LPP: variants seen among roughly 807,000 people sequenced by gnomAD.
The protein encoded by LPP is lipoma-preferred partner.
LPP carries 38 observed loss-of-function variants against 60.4 expected under a neutral mutation model. That is an observed-to-expected ratio of 0.63 (90% CI 0.49 to 0.83). LPP has a LOEUF of 0.83. LPP is among the 40% of genes least tolerant of loss of function. The pLI is 0.00. For missense variants in LPP, 902 were observed against 783.6 expected (o/e 1.15, Z -1.80); for synonymous variants, 328 against 290.8 (o/e 1.13, Z -1.30).
intron 4 of LPP, among the ~76,000 whole-genome samples, chr3:188,477,901 G>A (rs1803659831): frequency 6.6e-6 from 1 of 152,094 alleles, no homozygotes; most frequent in Non-Finnish European, 1.5e-5. Context: ...GGCCTTGAAT[G>A]CTGCATTTAA....
At chr3:188,684,032 A>G (rs759790669) in intron 7 of LPP, among the ~76,000 whole-genome samples, 2 of 152,246 alleles carry the variant, frequency 1.3e-5, no homozygotes, top group African/African-American at 4.8e-5. Flanking sequence ...GTTATTTTTC[A>G]TATTCGAACT....
chr3:188,507,305 G>A (rs886604396), intron 5 of LPP, among the ~76,000 whole-genome samples: 1 of 152,116 alleles, frequency 6.6e-6, no homozygotes, highest in African/African-American at 2.4e-5. Flanking sequence ...CTGACTCAGG[G>A]TGGTGGGGAG....
intron 4 of LPP, among the ~76,000 whole-genome samples, chr3:188,482,824 T>A (rs16863367): frequency 6.6e-6 from 1 of 151,944 alleles, no homozygotes; most frequent in Admixed American, 6.6e-5. Context: ...GAACATTTCT[T>A]ATCCTGTGGG....
intron 9 of LPP, among the ~76,000 whole-genome samples, chr3:188,783,905 G>T (rs1740679407): frequency 7.3e-6 from 1 of 136,394 alleles, no homozygotes; most frequent in African/African-American, 2.8e-5. Flanking sequence ...AACTTCCTTG[G>T]CACCCCAGCC....
intron 2 of LPP, among the ~76,000 whole-genome samples, chr3:188,235,480 G>A (rs1721567489): frequency 6.6e-6 from 1 of 152,026 alleles, no homozygotes; most frequent in African/African-American, 2.4e-5. Flanking sequence ...TGACTTTTAA[G>A]GTCCTCCCTG....
At chr3:188,696,042 A>G (rs904997967) in intron 7 of LPP, among the ~76,000 whole-genome samples, 7 of 152,184 alleles carry the variant, frequency 4.6e-5, no homozygotes, top group Non-Finnish European at 8.8e-5. Flanking sequence ...GATTTCATGC[A>G]TTGGACAATA....
intron 1 of LPP, among the ~76,000 whole-genome samples, chr3:188,222,586 CT>C (rs1458994085): frequency 6.6e-6 from 1 of 152,114 alleles, no homozygotes; most frequent in Non-Finnish European, 1.5e-5. Flanking sequence ...TCTAGAAATC[CT>C]TTCCATTTAC....
In LPP at chr3:188,784,034, A is replaced by C. The variant is rs536742530; in HGVS notation, c.1410+23752A>C. 2.6e-5 allele frequency among the ~76,000 whole-genome samples: 4 copies of C among 152,172 alleles called. No homozygotes were observed. The South Asian group carries it at 8.3e-4, about 32-fold the overall frequency. ...TTCGTGCACCCATCACCCAAGCAGTATATACTGCACCATATTTGTAATCTT... is the reference window on the plus strand; with the variant it reads ...TTCGTGCACCCATCACCCAAGCAGTCTATACTGCACCATATTTGTAATCTT... On this transcript the variant is annotated intron_variant, in intron 9 of 11. Coordinates refer to ENST00000617246, the MANE Select transcript of LPP (RefSeq NM_001375462.1).
chr3:188,516,605 C>T (rs1050155556), intron 5 of LPP, among the ~76,000 whole-genome samples: 28 of 141,890 alleles, frequency 2.0e-4, no homozygotes, highest in African/African-American at 7.9e-4. Flanking sequence ...CCCCCTGCCC[C>T]ACACACTTAA....
At chr3:188,733,800 T>C (rs1355068429) in intron 8 of LPP, among the ~76,000 whole-genome samples, 1 of 152,216 alleles carries the variant, frequency 6.6e-6, no homozygotes, top group Admixed American at 6.5e-5. Context: ...TTTACTTCTA[T>C]TGGAATTCAT....
intron 7 of LPP, among the ~76,000 whole-genome samples, chr3:188,696,026 A>G (rs1863162877): frequency 6.6e-6 from 1 of 152,232 alleles, no homozygotes; most frequent in Admixed American, 6.5e-5. Flanking sequence ...TACAGAAAGA[A>G]GAAATGATTT....
At chr3:188,612,475 C>G (rs1190563115) in intron 7 of LPP, among the ~76,000 whole-genome samples, 1 of 152,184 alleles carries the variant, frequency 6.6e-6, no homozygotes, top group Admixed American at 6.5e-5. Context: ...TATCCCAGTT[C>G]TTTCCTTGAC....
chr3:188,854,285 G>A (rs1427068586), intron 9 of LPP, among the ~76,000 whole-genome samples: 1 of 152,060 alleles, frequency 6.6e-6, no homozygotes, highest in Non-Finnish European at 1.5e-5. Context: ...TCAAAACATG[G>A]AATTATTTTA....
At chr3:188,845,114 G>C (rs1026806284) in intron 9 of LPP, among the ~76,000 whole-genome samples, 1 of 152,228 alleles carries the variant, frequency 6.6e-6, no homozygotes, top group African/African-American at 2.4e-5. Flanking sequence ...CTTCATTTTA[G>C]AAGCTCCAGA....
chr3:188,681,206 G>T (rs895759119), intron 7 of LPP, among the ~76,000 whole-genome samples: 1 of 152,140 alleles, frequency 6.6e-6, no homozygotes, highest in African/African-American at 2.4e-5. Context: ...ATGTTGGCCA[G>T]GATGGTCTCG....
chr3:188,333,694 T>C (rs534644729), intron 2 of LPP, among the ~76,000 whole-genome samples: 1 of 152,348 alleles, frequency 6.6e-6, no homozygotes, highest in South Asian at 2.1e-4. Context: ...TGAGCATTTG[T>C]TGAATGAATT....
intron 1 of LPP, among the ~76,000 whole-genome samples, chr3:188,180,996 T>G (rs1577145166): frequency 1.3e-5 from 2 of 152,186 alleles, no homozygotes; most frequent in East Asian, 3.9e-4. Context: ...ACAGTAACTT[T>G]TTCACCCTTA....
intron 4 of LPP, among the ~76,000 whole-genome samples, chr3:188,457,845 G>A (rs9814889): frequency 6.6e-6 from 1 of 151,772 alleles, no homozygotes; most frequent in South Asian, 2.1e-4. Context: ...GGAGGTGGAG[G>A]TTGCAGTGAT....
intron 7 of LPP, among the ~76,000 whole-genome samples, chr3:188,628,491 A>G (rs1421540140): frequency 1.3e-5 from 2 of 152,156 alleles, no homozygotes; most frequent in Non-Finnish European, 2.9e-5. Flanking sequence ...ATACATTAGA[A>G]AACCTAGAAG....
Sources: gnomAD v4.1 joint callset for allele counts (sites outside exome capture counted in the v4.1 genomes callset) on GRCh38, gnomAD v4.1.1 for gene constraint, MANE v1.5 for transcripts, NCBI Gene and HGNC (gene_info 2026-07-23, HGNC 2026-07-21) for gene names.